WDR7: variants seen among roughly 807,000 people sequenced by gnomAD.
WDR7 encodes WD repeat-containing protein 7.
Under a neutral mutation model 169.4 loss-of-function variants are expected in WDR7, and 46 were observed. The ratio of observed to expected loss-of-function variants is 0.27; its 90% CI spans 0.21 to 0.35. The LOEUF (loss-of-function observed/expected upper bound fraction) is 0.35, where lower values mean the gene tolerates loss of function less well. Among genes scored for constraint, WDR7 ranks in the 10% least tolerant of loss-of-function variants. The pLI, the probability that WDR7 is intolerant of heterozygous loss-of-function variation, is 1.00. For synonymous variants in WDR7, 612 were observed against 666.8 expected (o/e 0.92, Z 1.27); for missense variants, 1,534 against 1,859.3 (o/e 0.83, Z 3.22).
rs1157624923 is a variant in WDR7, at chr18:56,925,194, G to A, written c.3713+1086G>A. Among the ~76,000 whole-genome samples the A allele has an allele frequency of 2.0e-5, 3 of 152,166 alleles. No homozygotes were observed. The East Asian group carries it at 5.8e-4, about 29-fold the overall frequency. ...CATTTACCTGTTGATGGACATTTGG[G>A]TTGTTTCTGCCTTTTGGCTATTGTG... On this transcript the variant is annotated intron_variant, in intron 22 of 27. Transcript: ENST00000254442.
chr18:56,724,651 A>T (rs1039230972), intron 13 of WDR7, among the ~76,000 whole-genome samples: 5 of 150,198 alleles, frequency 3.3e-5, no homozygotes, highest in Non-Finnish European at 5.9e-5. Flanking sequence ...TTTTAATTTT[A>T]TATATATATA....
chr18:56,708,873 G>A (rs1275882993), intron 12 of WDR7, among the ~76,000 whole-genome samples: 1 of 152,122 alleles, frequency 6.6e-6, no homozygotes. Flanking sequence ...GGAGGCAGAG[G>A]TTGCAGTGAG....
At chr18:57,023,360 A>G (rs2048316698) in intron 27 of WDR7, among the ~76,000 whole-genome samples, 1 of 152,236 alleles carries the variant, frequency 6.6e-6, no homozygotes, top group South Asian at 2.1e-4. Context: ...TTATTAATAC[A>G]GAGCCTTACT....
intron 21 of WDR7, among the ~76,000 whole-genome samples, chr18:56,880,884 T>G (rs2046097021): frequency 1.3e-5 from 2 of 152,192 alleles, no homozygotes; most frequent in Non-Finnish European, 2.9e-5. Context: ...CAGAATTCCT[T>G]TCAGTAAGGT....
At chr18:56,668,878 GA>G (rs1393680070) in intron 1 of WDR7, among the ~76,000 whole-genome samples, 1 of 143,092 alleles carries the variant, frequency 7.0e-6, no homozygotes, top group Non-Finnish European at 1.5e-5. Context: ...AGCAGAATGT[GA>G]AGAAGTAGCA....
chr18:56,997,288 T>A (rs1392450548), intron 26 of WDR7, among the ~76,000 whole-genome samples: 1 of 152,210 alleles, frequency 6.6e-6, no homozygotes, highest in Non-Finnish European at 1.5e-5. Context: ...AAAAAATAAA[T>A]GTTTATCACA....
At chr18:56,849,076 T>C (rs528699990) in intron 20 of WDR7, among the ~76,000 whole-genome samples, 1 of 152,304 alleles carries the variant, frequency 6.6e-6, no homozygotes, top group South Asian at 2.1e-4. Context: ...TGCAATGTCT[T>C]CTCTTAACCC....
At chr18:56,726,132 C>A (rs1221929685) in intron 13 of WDR7, among the ~76,000 whole-genome samples, 1 of 152,138 alleles carries the variant, frequency 6.6e-6, no homozygotes, top group Non-Finnish European at 1.5e-5. Flanking sequence ...CTTGGCAATG[C>A]AGGCTCTTTT....
intron 1 of WDR7, among the ~76,000 whole-genome samples, chr18:56,653,985 C>T (rs1240361237): frequency 6.6e-6 from 1 of 152,168 alleles, no homozygotes; most frequent in African/African-American, 2.4e-5. Flanking sequence ...CTGCAGGAAG[C>T]TCGTGAGGGT....
At chr18:56,844,967 A>T (rs1027724590) in intron 20 of WDR7, among the ~76,000 whole-genome samples, 1 of 152,180 alleles carries the variant, frequency 6.6e-6, no homozygotes, top group African/African-American at 2.4e-5. Flanking sequence ...TGTTAATGCC[A>T]TTCTGTGCCT....
At chr18:56,967,183 G>A (rs937767752) in intron 26 of WDR7, among the ~76,000 whole-genome samples, 10 of 151,772 alleles carry the variant, frequency 6.6e-5, no homozygotes, top group African/African-American at 2.4e-4. Context: ...AATAGGGAGC[G>A]CTTGGGTGGA....
chr18:56,935,758 T>C (rs751837294), intron 22 of WDR7, 30 bp from the exon 23 acceptor site: 16 of 1,597,314 alleles, frequency 1.0e-5, no homozygotes, highest in Non-Finnish European at 1.4e-5. Flanking sequence ...GCTTCTTTTC[T>C]TTTTTTCCCT....
At chr18:56,752,404 G>A (rs1215397185) in intron 14 of WDR7, among the ~76,000 whole-genome samples, 1 of 152,044 alleles carries the variant, frequency 6.6e-6, no homozygotes, top group African/African-American at 2.4e-5. Context: ...GATGGAGCTG[G>A]TACTTTCTCC....
At chr18:56,951,080 A>G (rs2047174574) in intron 25 of WDR7, among the ~76,000 whole-genome samples, 3 of 152,148 alleles carry the variant, frequency 2.0e-5, no homozygotes, top group Admixed American at 1.3e-4. Flanking sequence ...CCAGATATTG[A>G]CGAAGCCAGC....
intron 1 of WDR7, among the ~76,000 whole-genome samples, chr18:56,659,535 G>A (rs183076392): frequency 1.8e-4 from 27 of 152,298 alleles, no homozygotes; most frequent in South Asian, 1.7e-3. Flanking sequence ...TTAAATGATT[G>A]TAAGTGTTTA....
chr18:56,980,034 GCTCTC>G (rs1489923316), intron 26 of WDR7, among the ~76,000 whole-genome samples: 3 of 152,146 alleles, frequency 2.0e-5, no homozygotes, highest in Non-Finnish European at 4.4e-5. Flanking sequence ...GCCATTCTGA[GCTCTC>G]CTCTAAGTGT....
At position 57,028,095 on chromosome 18, in the gene WDR7, G is replaced by A. The variant is rs2048393909; in HGVS notation, c.*888G>A. The A allele has an allele frequency of 6.6e-6, 1 of 152,170 alleles. No individual in the cohort carries two copies. Among genetic ancestry groups the A allele is most frequent in the African/African-American group, 2.4e-5 (1 of 41,442 alleles). 9.4% of individuals were successfully genotyped at this position (152,170 alleles called of 1,614,324 possible). On this transcript the variant is annotated 3_prime_UTR_variant, in exon 28 of 28. Coordinates refer to ENST00000254442, the MANE Select transcript of WDR7 (RefSeq NM_015285.3). Reference sequence around the variant, plus strand: ...TGCTACAGATCCTGTTGAAGAAAGAGCTTACCCCTTTCCCCCGGAAAACTT... The same window carrying A: ...TGCTACAGATCCTGTTGAAGAAAGAACTTACCCCTTTCCCCCGGAAAACTT...
intron 21 of WDR7, among the ~76,000 whole-genome samples, chr18:56,922,410 T>A (rs2046739858): frequency 6.6e-6 from 1 of 152,158 alleles, no homozygotes; most frequent in Non-Finnish European, 1.5e-5. Flanking sequence ...GACACGTATG[T>A]GCTGGCAGAA....
intron 20 of WDR7, among the ~76,000 whole-genome samples, chr18:56,854,905 C>A (rs1309294917): frequency 6.6e-6 from 1 of 152,044 alleles, no homozygotes; most frequent in Non-Finnish European, 1.5e-5. Flanking sequence ...AACATAATAA[C>A]AAAAGACAGT....
Sources: allele counts gnomAD v4.1 joint callset (sites outside exome capture counted in the v4.1 genomes callset), GRCh38; gene constraint gnomAD v4.1.1; transcripts MANE v1.5; gene names NCBI Gene and HGNC (gene_info 2026-07-23, HGNC 2026-07-21).